Variants in XKR6 observed in about 807,000 individuals in gnomAD.
XKR6 encodes the protein XK related 6, also known as XK-related protein 6.
XKR6 carries 22 observed loss-of-function variants against 56.7 expected under a neutral mutation model. That is an observed-to-expected ratio of 0.39 (90% CI 0.28 to 0.55). The LOEUF is 0.55. Among genes scored for constraint, XKR6 ranks in the 20% least tolerant of loss-of-function variants. The pLI is 0.66. For missense variants in XKR6, 852 were observed against 889.0 expected (o/e 0.96, Z 0.53); for synonymous variants, 524 against 387.8 (o/e 1.35, Z -4.13).
intron 1 of XKR6, among the ~76,000 whole-genome samples, chr8:11,117,348 T>C (rs1275248828): frequency 6.6e-6 from 1 of 152,208 alleles, no homozygotes; most frequent in African/African-American, 2.4e-5. Context: ...ACCAACAGCA[T>C]TCTTAATTTC....
At chr8:11,136,114 G>C (rs1053013926) in intron 1 of XKR6, among the ~76,000 whole-genome samples, 2 of 152,144 alleles carry the variant, frequency 1.3e-5, no homozygotes, top group African/African-American at 2.4e-5. Context: ...CCCACCACCG[G>C]AAGTATCTGC....
At chr8:11,197,308 G>C (rs1318024946) in intron 1 of XKR6, among the ~76,000 whole-genome samples, 1 of 152,210 alleles carries the variant, frequency 6.6e-6, no homozygotes, top group Non-Finnish European at 1.5e-5. Context: ...GTTGCTTCTT[G>C]ACTGAAGAGA....
At chr8:10,919,020 G>A (rs1041197872) in intron 2 of XKR6, among the ~76,000 whole-genome samples, 1 of 152,198 alleles carries the variant, frequency 6.6e-6, no homozygotes, top group African/African-American at 2.4e-5. Context: ...CTGGCGGTGT[G>A]CTTTTCCTCT....
rs1270547789 is a variant in XKR6 at position 11,173,394 on chromosome 8, T to C, written c.764+27182A>G. On this transcript the variant is annotated intron_variant, in intron 1 of 2. Coordinates refer to ENST00000416569, the MANE Select transcript of XKR6 (RefSeq NM_173683.4). ...ACACACACACACACACACAAATATA[T>C]ATACATATATATATACATATACATA... Among the ~76,000 whole-genome samples, 5 of 149,766 alleles carry C rather than the reference T, an allele frequency of 3.3e-5. 1 individual carries two copies. Among genetic ancestry groups the C allele is most frequent in the African/African-American group, 1.2e-4 (5 of 40,724 alleles).
At chr8:11,094,336 G>A (rs1322230092) in intron 1 of XKR6, among the ~76,000 whole-genome samples, 1 of 152,074 alleles carries the variant, frequency 6.6e-6, no homozygotes, top group Non-Finnish European at 1.5e-5. Context: ...TTACAGGTGT[G>A]CACCACCATG....
intron 1 of XKR6, among the ~76,000 whole-genome samples, chr8:11,156,710 T>C (rs1392585254): frequency 1.3e-5 from 2 of 152,084 alleles, no homozygotes; most frequent in East Asian, 1.9e-4. Context: ...AATCAAAATA[T>C]CTATTTTGGG....
chr8:10,938,845 T>C (rs1432800854), intron 1 of XKR6, among the ~76,000 whole-genome samples: 1 of 152,212 alleles, frequency 6.6e-6, no homozygotes, highest in Non-Finnish European at 1.5e-5. Flanking sequence ...TTTTACTCTA[T>C]GTAAATGTTA....
intron 1 of XKR6, among the ~76,000 whole-genome samples, chr8:10,949,755 C>G (rs576889561): frequency 2.6e-5 from 4 of 152,134 alleles, no homozygotes; most frequent in Non-Finnish European, 4.4e-5. Flanking sequence ...CCAAAGCATG[C>G]GGAGCTCTGC....
chr8:11,134,580 A>G (rs1201079315), intron 1 of XKR6, among the ~76,000 whole-genome samples: 2 of 152,144 alleles, frequency 1.3e-5, no homozygotes. Context: ...GAAACACAGA[A>G]GACTTACATT....
At chr8:10,955,930 G>C (rs945172185) in intron 1 of XKR6, among the ~76,000 whole-genome samples, 1 of 152,222 alleles carries the variant, frequency 6.6e-6, no homozygotes, top group African/African-American at 2.4e-5. Flanking sequence ...GCGATTCCTT[G>C]TTGCCCTGGG....
chr8:11,173,669 G>C (rs1371181748), intron 1 of XKR6, among the ~76,000 whole-genome samples: 1 of 152,098 alleles, frequency 6.6e-6, no homozygotes, highest in African/African-American at 2.4e-5. Flanking sequence ...CCCACTGTGA[G>C]GGAGCAGTTG....
chr8:11,171,868 C>T (rs189705040), intron 1 of XKR6, among the ~76,000 whole-genome samples: 27 of 151,532 alleles, frequency 1.8e-4, no homozygotes, highest in African/African-American at 6.5e-4. Flanking sequence ...GCATGGCAAA[C>T]ATGGTGAAAC....
chr8:10,903,613 G>A (rs535559024), intron 2 of XKR6, among the ~76,000 whole-genome samples: 277 of 152,270 alleles, frequency 1.8e-3, no homozygotes, highest in Non-Finnish European at 1.9e-3. Flanking sequence ...AAACGAGGCC[G>A]TTAGGGTGGG....
intron 2 of XKR6, among the ~76,000 whole-genome samples, chr8:10,922,690 G>A (rs1586309371): frequency 1.3e-5 from 2 of 152,212 alleles, no homozygotes; most frequent in Non-Finnish European, 2.9e-5. Flanking sequence ...AATCACACCA[G>A]TTCGTTGCCA....
chr8:11,101,278 T>C (rs1243693312), intron 1 of XKR6, among the ~76,000 whole-genome samples: 1 of 152,162 alleles, frequency 6.6e-6, no homozygotes, highest in Non-Finnish European at 1.5e-5. Context: ...ACAAGAATTG[T>C]AAACTGCTGG....
rs141616728 is a variant in XKR6, at chr8:11,133,047, T to C, written c.764+67529A>G. Among the ~76,000 whole-genome samples, 670 of 152,258 alleles carry C rather than the reference T, an allele frequency of 4.4e-3. 6 individuals carry two copies. The highest frequency in any genetic ancestry group is 0.014 in the Middle Eastern group (4 of 294). On this transcript the variant is annotated intron_variant, in intron 1 of 2. Transcript: ENST00000416569. ...GTAATTCATTTGACATCTAATGTTA[T>C]AGTGAGGAGACAGTGAGTTTCAAGT...
chr8:11,189,027 C>CT (rs1803414111), intron 1 of XKR6, among the ~76,000 whole-genome samples: 1 of 152,194 alleles, frequency 6.6e-6, no homozygotes. Context: ...CCTGGCTGTT[C>CT]TCCCCACGAA....
rs547627001 is a variant in XKR6 at position 11,177,423 on chromosome 8, G to C, written c.764+23153C>G. Among the ~76,000 whole-genome samples the C allele has an allele frequency of 2.7e-4, 41 of 152,304 alleles. No individual in the cohort carries two copies. The East Asian group carries it at 6.9e-3, about 26-fold the overall frequency. ...ACAAAAGAGTTTCAAAACCCATTAT[G>C]CTAAGAAAAGACCATGAGTGTTATG... On this transcript the variant is annotated intron_variant, in intron 1 of 2. Coordinates refer to ENST00000416569, the MANE Select transcript of XKR6 (RefSeq NM_173683.4).
intron 1 of XKR6, among the ~76,000 whole-genome samples, chr8:11,141,055 A>C (rs1477199297): frequency 1.3e-5 from 2 of 152,204 alleles, no homozygotes; most frequent in African/African-American, 2.4e-5. Context: ...TAAGAGGCAG[A>C]GATTACAACA....
Sources: gnomAD v4.1 joint callset for allele counts (sites outside exome capture counted in the v4.1 genomes callset) on GRCh38, gnomAD v4.1.1 for gene constraint, MANE v1.5 for transcripts, NCBI Gene and HGNC (gene_info 2026-07-23, HGNC 2026-07-21) for gene names.